FBXL5: variants seen among roughly 807,000 people sequenced by gnomAD.
FBXL5 encodes the protein F-box/LRR-repeat protein 5.
Under a neutral mutation model 78.3 loss-of-function variants are expected in FBXL5, and 26 were observed. That is an observed-to-expected ratio of 0.33 (90% CI 0.24 to 0.46). The LOEUF (loss-of-function observed/expected upper bound fraction) is 0.46, where lower values mean the gene tolerates loss of function less well. Among genes scored for constraint, FBXL5 ranks in the 20% least tolerant of loss-of-function variants. The pLI, the probability that FBXL5 is intolerant of heterozygous loss-of-function variation, is 1.00. For missense variants in FBXL5, 710 were observed against 829.2 expected, an observed-to-expected ratio of 0.86 and a Z score of 1.77; for synonymous variants, 295 against 282.5, an observed-to-expected ratio of 1.04 and a Z score of -0.45.
At chr4:15,664,393 C>G (rs563513266), upstream of FBXL5, among the ~76,000 whole-genome samples, 1 of 152,160 alleles carries the variant, frequency 6.6e-6, no homozygotes, top group South Asian at 2.1e-4. Flanking sequence ...TCAGTTAAAT[C>G]ATATTGGCAC....
chr4:15,627,447 G>T (rs1270633440), intron 7 of FBXL5, among the ~76,000 whole-genome samples: 1 of 152,096 alleles, frequency 6.6e-6, no homozygotes, highest in Non-Finnish European at 1.5e-5. Context: ...ATCTGTTTTA[G>T]CAGTTATGAG....
At chr4:15,656,643 A>G (rs944184405), upstream of FBXL5, among the ~76,000 whole-genome samples, 1 of 152,202 alleles carries the variant, frequency 6.6e-6, no homozygotes, top group African/African-American at 2.4e-5. Flanking sequence ...CAGACTCTGG[A>G]AGTTAAGATT....
chr4:15,654,664 G>A (rs1179051172), intron 1 of FBXL5, among the ~76,000 whole-genome samples: 2 of 152,216 alleles, frequency 1.3e-5, no homozygotes, highest in Non-Finnish European at 2.9e-5. Flanking sequence ...GGGGGTAAAA[G>A]GAACCGGGTA....
chr4:15,605,461 G>C lies in FBXL5; in HGVS notation c.*262C>G. 5.6e-6 allele frequency: 2 copies of C among 354,100 alleles called. No individual in the cohort carries two copies. Among genetic ancestry groups the C allele is most frequent in the South Asian group, 7.3e-5 (2 of 27,414 alleles). 21.9% of individuals were successfully genotyped at this position (354,100 alleles called of 1,614,324 possible). On this transcript the variant is annotated 3_prime_UTR_variant, in exon 11 of 11. Coordinates refer to ENST00000341285, the MANE Select transcript of FBXL5 (RefSeq NM_012161.4). ...CATGGCATTACCAACATTCTTTAAAGCATTTCATTTAAAAGAAAAATGTAA... is the reference window on the plus strand; with the variant it reads ...CATGGCATTACCAACATTCTTTAAACCATTTCATTTAAAAGAAAAATGTAA...
Position 15,639,984 on chromosome 4 carries a change from T to A in FBXL5, c.396+804A>T, listed in dbSNP as rs1577463588. 4.6e-5 allele frequency among the ~76,000 whole-genome samples: 7 copies of A among 152,322 alleles called. No individual in the cohort carries two copies. The South Asian group carries it at 1.4e-3, about 32-fold the overall frequency. ...GACAGAAGAAAAAGGGAAAACGTTT[T>A]GCCCATTCATTCAATGATACCCTAA... On this transcript the variant is annotated intron_variant, in intron 3 of 10. Transcript: ENST00000341285.
intron 9 of FBXL5, among the ~76,000 whole-genome samples, chr4:15,624,366 A>C (rs1169752472): frequency 6.6e-6 from 1 of 152,100 alleles, no homozygotes; most frequent in African/African-American, 2.4e-5. Flanking sequence ...TCAAAGTATA[A>C]GGTTAAGTAT....
Position 15,655,260 on chromosome 4 carries a change from C to G in FBXL5, c.28G>C (p.Val10Leu). The change falls in exon 1 of 11, where the codon GTC (valine) becomes CTC (leucine). Residue 10 changes from valine to leucine, a missense_variant. Transcript: ENST00000341285. MAPFPEEVD[V>L]FTAPHWRMKQ... ...ATCCGCCAGTGTGGGGCGGTGAAGACGTCCACTTCTTCAGGAAAGGGCGCC... is the reference window on the plus strand; with the variant it reads ...ATCCGCCAGTGTGGGGCGGTGAAGAGGTCCACTTCTTCAGGAAAGGGCGCC... 1 of 1,439,056 alleles carries G rather than the reference C, an allele frequency of 6.9e-7. No individual in the cohort carries two copies. The highest frequency in any genetic ancestry group is 3.0e-5 in the East Asian group (1 of 33,048). 89.1% of individuals were successfully genotyped at this position (1,439,056 alleles called of 1,614,324 possible).
chr4:15,624,674 T>C (rs375894296), intron 9 of FBXL5, among the ~76,000 whole-genome samples: 1 of 149,676 alleles, frequency 6.7e-6, no homozygotes, highest in Non-Finnish European at 1.5e-5. Context: ...AAAGAAAATG[T>C]AGAACTTCTT....
intron 9 of FBXL5, among the ~76,000 whole-genome samples, chr4:15,615,707 C>G (rs1473500508): frequency 1.3e-5 from 2 of 151,064 alleles, no homozygotes; most frequent in Admixed American, 6.6e-5. Context: ...CTGTATCTAA[C>G]TAACCTGATG....
chr4:15,636,723 T>C (rs752557851), intron 4 of FBXL5, 47 bp from the exon 5 acceptor site: 1 of 1,335,448 alleles, frequency 7.5e-7, no homozygotes, highest in South Asian at 1.6e-5. Context: ...AAAGAGCATA[T>C]GCAATAAGAA....
At chr4:15,630,128 C>T (rs1175674184) in intron 6 of FBXL5, among the ~76,000 whole-genome samples, 1 of 152,116 alleles carries the variant, frequency 6.6e-6, no homozygotes, top group Non-Finnish European at 1.5e-5. Flanking sequence ...GAAGTCTTAT[C>T]CATCCTTGAA....
In FBXL5 at chr4:15,605,514, T is replaced by C; in HGVS notation, c.*209A>G. 1.9e-6 allele frequency: 1 copy of C among 524,772 alleles called. No homozygotes were observed. The highest frequency in any genetic ancestry group is 3.5e-6 in the Non-Finnish European group (1 of 289,060). The allele number at this position is 524,772 out of a possible 1,614,324, so 32.5% of individuals were successfully genotyped here. ...CTGTTCTCACCCTTTTGAAAAGACC[T>C]AATCCCTTTCTAAACCAAAAGTATA... On this transcript the variant is annotated 3_prime_UTR_variant, in exon 11 of 11. Transcript: ENST00000341285.
chr4:15,612,467 G>A, intron 9 of FBXL5, 53 bp from the exon 10 acceptor site: 1 of 1,499,076 alleles, frequency 6.7e-7, no homozygotes, highest in Non-Finnish European at 9.0e-7. Context: ...AAAAATGTTT[G>A]TATTCCTATG....
chr4:15,619,827 C>T (rs1490974937), intron 9 of FBXL5, among the ~76,000 whole-genome samples: 4 of 151,984 alleles, frequency 2.6e-5, no homozygotes, highest in African/African-American at 9.7e-5. Context: ...CCCACCCTCC[C>T]AAAAAAGTAA....
intron 1 of FBXL5, among the ~76,000 whole-genome samples, chr4:15,673,756 C>A (rs947891269): frequency 2.6e-5 from 4 of 152,186 alleles, no homozygotes; most frequent in Admixed American, 2.0e-4. Context: ...CTATGCAGCT[C>A]TCTCCCTTCT....
At chr4:15,647,547 CA>C (rs1328158562) in intron 1 of FBXL5, among the ~76,000 whole-genome samples, 5 of 152,126 alleles carry the variant, frequency 3.3e-5, no homozygotes, top group Non-Finnish European at 7.3e-5. Context: ...AAAAGACATA[CA>C]GGGAATTTTG....
rs1721794461 is a variant in FBXL5 at position 15,605,069 on chromosome 4, TA to T, written c.*653del. ...ATTTCTTCAAATGATTGTGGTATTT[TA>T]AAAAATCTCTCCCAAATTTGATGAC... On this transcript the variant is annotated 3_prime_UTR_variant, in exon 11 of 11. Transcript: ENST00000341285. The T allele has an allele frequency of 6.6e-6, 1 of 152,636 alleles. No individual in the cohort carries two copies. The highest frequency in any genetic ancestry group is 1.5e-5 in the Non-Finnish European group (1 of 68,036). 9.5% of individuals were successfully genotyped at this position (152,636 alleles called of 1,614,324 possible).
intron 5 of FBXL5, among the ~76,000 whole-genome samples, chr4:15,631,761 GGTT>G (rs1332000497): frequency 6.7e-6 from 1 of 149,264 alleles, no homozygotes. Context: ...TTTTTGATGG[GGTT>G]GTTTTTTTTT....
upstream of FBXL5, among the ~76,000 whole-genome samples, chr4:15,658,443 G>A (rs970294265): frequency 2.6e-5 from 4 of 152,180 alleles, no homozygotes; most frequent in Non-Finnish European, 5.9e-5. Context: ...AGAGGTGATT[G>A]GGTCATGAAA....
Sources: gnomAD v4.1 joint callset for allele counts (sites outside exome capture counted in the v4.1 genomes callset) on GRCh38, gnomAD v4.1.1 for gene constraint, MANE v1.5 for transcripts, NCBI Gene and HGNC (gene_info 2026-07-23, HGNC 2026-07-21) for gene names.